Variants in TTC28 observed in about 807,000 individuals in gnomAD.
TTC28 encodes tetratricopeptide repeat domain 28.
TTC28 carries 61 observed loss-of-function variants against 198.0 expected under a neutral mutation model. The observed-to-expected ratio is 0.31, with a 90% confidence interval of 0.25 to 0.38. The LOEUF (loss-of-function observed/expected upper bound fraction) is 0.38, where lower values mean the gene tolerates loss of function less well. Among genes scored for constraint, TTC28 ranks in the 10% least tolerant of loss-of-function variants. TTC28 has a pLI of 1.00. For missense variants in TTC28, 2,678 were observed against 3,164.0 expected, an observed-to-expected ratio of 0.85 and a Z score of 3.69; for synonymous variants, 1,171 against 1,297.8, an observed-to-expected ratio of 0.90 and a Z score of 2.10.
intron 2 of TTC28, among the ~76,000 whole-genome samples, chr22:28,620,597 T>C (rs1489406547): frequency 6.6e-6 from 1 of 152,170 alleles, no homozygotes; most frequent in African/African-American, 2.4e-5. Flanking sequence ...GCTTTACCAG[T>C]GTGATCCTGA....
intron 5 of TTC28, among the ~76,000 whole-genome samples, chr22:28,217,631 G>C (rs1927509959): frequency 6.6e-6 from 1 of 152,098 alleles, no homozygotes; most frequent in African/African-American, 2.4e-5. Flanking sequence ...TTTCAGCATA[G>C]GCATGTAAGA....
intron 2 of TTC28, among the ~76,000 whole-genome samples, chr22:28,499,114 G>A (rs2048499674): frequency 6.6e-6 from 1 of 152,140 alleles, no homozygotes; most frequent in African/African-American, 2.4e-5. Flanking sequence ...GGAAGTTGAA[G>A]CTGCAGTGAG....
chr22:28,551,326 T>C (rs1318674747), intron 2 of TTC28, among the ~76,000 whole-genome samples: 8 of 152,162 alleles, frequency 5.3e-5, no homozygotes, highest in Admixed American at 6.5e-5. Context: ...ACCAATCTTA[T>C]TGACACTATT....
intron 2 of TTC28, among the ~76,000 whole-genome samples, chr22:28,535,829 G>T (rs1341403742): frequency 6.6e-6 from 1 of 152,018 alleles, no homozygotes; most frequent in Non-Finnish European, 1.5e-5. Context: ...AACCATGATT[G>T]TAAGTTTCCT....
intron 2 of TTC28, among the ~76,000 whole-genome samples, chr22:28,382,672 C>T (rs1266471006): frequency 6.6e-6 from 1 of 152,102 alleles, no homozygotes; most frequent in South Asian, 2.1e-4. Flanking sequence ...AGCTAAAAAG[C>T]ACAACACTAG....
intron 6 of TTC28, among the ~76,000 whole-genome samples, chr22:28,134,407 C>T (rs1351804734): frequency 6.6e-6 from 1 of 152,180 alleles, no homozygotes; most frequent in African/African-American, 2.4e-5. Flanking sequence ...AATCAAACTT[C>T]TCCGAACTAA....
At chr22:28,178,692 T>G (rs986191596) in intron 5 of TTC28, among the ~76,000 whole-genome samples, 1 of 152,240 alleles carries the variant, frequency 6.6e-6, no homozygotes, top group Non-Finnish European at 1.5e-5. Context: ...GAATTCTGTC[T>G]GTCCACCAGT....
At chr22:28,617,814 G>A (rs1420700855) in intron 2 of TTC28, among the ~76,000 whole-genome samples, 1 of 152,182 alleles carries the variant, frequency 6.6e-6, no homozygotes, top group Non-Finnish European at 1.5e-5. Context: ...AGTTGCCATT[G>A]TTCTCCTGGC....
intron 2 of TTC28, among the ~76,000 whole-genome samples, chr22:28,393,564 C>G (rs569184217): frequency 6.6e-6 from 1 of 152,176 alleles, no homozygotes; most frequent in Non-Finnish European, 1.5e-5. Context: ...TATAGTGGTG[C>G]ATGCCTTTAG....
chr22:28,655,064 G>A lies in TTC28; in HGVS notation c.102+24558C>T, dbSNP rs1260980651. ...ATCTTTTCCTATAAATTACTGATAA[G>A]GTTTATTCATATGTATTTGAACCTA... On this transcript the variant is annotated intron_variant, in intron 1 of 22. Transcript: ENST00000397906. Among the ~76,000 whole-genome samples the A allele has an allele frequency of 2.0e-5, 3 of 152,014 alleles. No individual in the cohort carries two copies. In the East Asian group the frequency reaches 5.8e-4, roughly 29 times the overall value.
chr22:28,586,040 G>A (rs1443742379), intron 2 of TTC28, among the ~76,000 whole-genome samples: 1 of 151,874 alleles, frequency 6.6e-6, no homozygotes, highest in Non-Finnish European at 1.5e-5. Context: ...CAGCACTTTG[G>A]GAGGCTGAGG....
At chr22:28,148,991 T>G (rs1943543075) in intron 6 of TTC28, among the ~76,000 whole-genome samples, 1 of 152,240 alleles carries the variant, frequency 6.6e-6, no homozygotes, top group South Asian at 2.1e-4. Context: ...CAGTAATTAA[T>G]GAGTCACTTA....
intron 5 of TTC28, among the ~76,000 whole-genome samples, chr22:28,281,069 T>C (rs921983987): frequency 1.3e-5 from 2 of 152,182 alleles, no homozygotes; most frequent in African/African-American, 4.8e-5. Context: ...CATTTAGGTG[T>C]TGTTCTCTTT....
chr22:28,064,048 C>T (rs1940657544), intron 12 of TTC28, among the ~76,000 whole-genome samples: 1 of 152,038 alleles, frequency 6.6e-6, no homozygotes, highest in African/African-American at 2.4e-5. Context: ...GTTTAGTGTC[C>T]TTTTTTTAAC....
chr22:28,341,810 TA>T (rs1413917427), intron 2 of TTC28, among the ~76,000 whole-genome samples: 1 of 151,008 alleles, frequency 6.6e-6, no homozygotes, highest in Non-Finnish European at 1.5e-5. Flanking sequence ...TAAAATAAAA[TA>T]AAAAAATAAA....
chr22:28,089,405 A>C (rs1048367565), intron 12 of TTC28, among the ~76,000 whole-genome samples: 1 of 151,776 alleles, frequency 6.6e-6, no homozygotes, highest in Admixed American at 6.6e-5. Flanking sequence ...TCAGTAAACT[A>C]TCGCAAGAAC....
intron 12 of TTC28, among the ~76,000 whole-genome samples, chr22:28,061,007 A>C (rs527299367): frequency 1.2e-3 from 183 of 152,342 alleles, no homozygotes; most frequent in Non-Finnish European, 1.8e-3. Context: ...TGTTGGCTGC[A>C]TAAATGTCTT....
In TTC28 at chr22:28,555,936, T is replaced by A. The variant is rs1007602570; in HGVS notation, c.381+73616A>T. On this transcript the variant is annotated intron_variant, in intron 2 of 22. Coordinates refer to ENST00000397906, the MANE Select transcript of TTC28 (RefSeq NM_001145418.2). ...TAATTCTTATTTACATTTATCCACATGTTTACTAATTTTGTTGCTCATCAT... is the reference window on the plus strand; with the variant it reads ...TAATTCTTATTTACATTTATCCACAAGTTTACTAATTTTGTTGCTCATCAT... Among the ~76,000 whole-genome samples, 7 of 152,288 alleles carry A rather than the reference T, an allele frequency of 4.6e-5. No individual in the cohort carries two copies. The East Asian group carries it at 1.2e-3, about 25-fold the overall frequency.
At chr22:28,193,411 G>C (rs953282230) in intron 5 of TTC28, among the ~76,000 whole-genome samples, 4 of 152,126 alleles carry the variant, frequency 2.6e-5, no homozygotes, top group African/African-American at 9.7e-5. Flanking sequence ...ACATCATAAT[G>C]ACAGGATCAA....
Sources: allele counts gnomAD v4.1 joint callset (sites outside exome capture counted in the v4.1 genomes callset), GRCh38; gene constraint gnomAD v4.1.1; transcripts MANE v1.5; gene names NCBI Gene and HGNC (gene_info 2026-07-23, HGNC 2026-07-21).